SDHAF3: variants seen among roughly 807,000 people sequenced by gnomAD.
SDHAF3 encodes succinate dehydrogenase assembly factor 3, mitochondrial.
Under a neutral mutation model 11.5 loss-of-function variants are expected in SDHAF3, and 18 were observed. The ratio of observed to expected loss-of-function variants is 1.56; its 90% CI spans 1.08 to 2.32. The LOEUF is 2.32. SDHAF3 is among the 30% of genes most tolerant of loss of function. The pLI is 0.00. For synonymous variants in SDHAF3, 72 were observed against 59.3 expected, an observed-to-expected ratio of 1.21 and a Z score of -0.99; for missense variants, 200 against 154.4, an observed-to-expected ratio of 1.30 and a Z score of -1.57.
chr7:97,156,789 T>C (rs1190227527), intron 1 of SDHAF3, among the ~76,000 whole-genome samples: 1 of 152,134 alleles, frequency 6.6e-6, no homozygotes, highest in Non-Finnish European at 1.5e-5. Flanking sequence ...AATTTCTTTT[T>C]TAATGTTTTA....
At chr7:97,170,436 A>C (rs926852375) in intron 1 of SDHAF3, among the ~76,000 whole-genome samples, 13 of 152,164 alleles carry the variant, frequency 8.5e-5, no homozygotes, top group African/African-American at 3.1e-4. Context: ...CTTAAGTACA[A>C]TGCTATTATT....
chr7:97,136,622 A>G (rs900374257), intron 1 of SDHAF3, among the ~76,000 whole-genome samples: 5 of 152,214 alleles, frequency 3.3e-5, no homozygotes, highest in African/African-American at 1.2e-4. Flanking sequence ...TTAAATAGTA[A>G]TGGGTAGTGT....
intron 1 of SDHAF3, among the ~76,000 whole-genome samples, chr7:97,144,277 CTT>C (rs1406411405): frequency 6.6e-5 from 10 of 152,116 alleles, no homozygotes; most frequent in African/African-American, 2.4e-4. Context: ...TTCTCCCACT[CTT>C]GTGTGTTGTC....
intron 1 of SDHAF3, among the ~76,000 whole-genome samples, chr7:97,143,321 T>C (rs1262514836): frequency 6.6e-6 from 1 of 152,118 alleles, no homozygotes; most frequent in Non-Finnish European, 1.5e-5. Flanking sequence ...TCTTTTTCCA[T>C]AAGTTATTGA....
intron 1 of SDHAF3, among the ~76,000 whole-genome samples, chr7:97,180,026 T>G (rs1789747058): frequency 6.6e-6 from 1 of 152,194 alleles, no homozygotes; most frequent in African/African-American, 2.4e-5. Flanking sequence ...CTTTGTCTGC[T>G]TAAAAGATTA....
chr7:97,152,383 G>A (rs1789238255), intron 1 of SDHAF3, among the ~76,000 whole-genome samples: 1 of 152,178 alleles, frequency 6.6e-6, no homozygotes, highest in Admixed American at 6.5e-5. Flanking sequence ...ATGCTGATTG[G>A]TTAAGTTAGG....
intron 1 of SDHAF3, among the ~76,000 whole-genome samples, chr7:97,136,762 T>C (rs1791777304): frequency 6.6e-6 from 1 of 152,206 alleles, no homozygotes; most frequent in African/African-American, 2.4e-5. Context: ...TGCATTTAAA[T>C]ATAATGTTTG....
At chr7:97,149,726 C>T (rs182459824) in intron 1 of SDHAF3, among the ~76,000 whole-genome samples, 258 of 152,242 alleles carry the variant, frequency 1.7e-3, no homozygotes, top group Middle Eastern at 3.4e-3. Context: ...TCAATGTTGA[C>T]GGCTGCTGAA....
At chr7:97,175,714 CA>C (rs1686840250) in intron 1 of SDHAF3, among the ~76,000 whole-genome samples, 1 of 152,198 alleles carries the variant, frequency 6.6e-6, no homozygotes, top group Non-Finnish European at 1.5e-5. Context: ...CTATCACTGA[CA>C]AACTGGTACT....
chr7:97,125,895 A>G (rs949859264), intron 1 of SDHAF3, among the ~76,000 whole-genome samples: 9 of 152,198 alleles, frequency 5.9e-5, no homozygotes, highest in Non-Finnish European at 1.2e-4. Flanking sequence ...AGTTGCAATC[A>G]TTTGGAGGAG....
At chr7:97,124,834 G>A (rs1029718813) in intron 1 of SDHAF3, among the ~76,000 whole-genome samples, 1 of 152,102 alleles carries the variant, frequency 6.6e-6, no homozygotes, top group African/African-American at 2.4e-5. Flanking sequence ...TGTGATTTTT[G>A]CACATTGATT....
intron 1 of SDHAF3, chr7:97,142,749 C>G (rs1403157922): frequency 1.3e-5 from 2 of 151,916 alleles, no homozygotes; most frequent in Non-Finnish European, 2.9e-5. Context: ...TGGAAAAGGC[C>G]TAGAAGAGCC....
intron 1 of SDHAF3, among the ~76,000 whole-genome samples, chr7:97,146,509 TGA>T (rs967602092): frequency 1.3e-5 from 2 of 152,182 alleles, no homozygotes; most frequent in African/African-American, 4.8e-5. Flanking sequence ...TAATTGTTCT[TGA>T]GACATATTTA....
chr7:97,135,581 ATGTGTGTGTG>A (rs55801981), intron 1 of SDHAF3: 1 of 137,142 alleles, frequency 7.3e-6, no homozygotes, highest in Non-Finnish European at 1.5e-5. Flanking sequence ...TAGTCCCCAT[ATGTGTGTGTG>A]TGTGTGTGTG....
chr7:97,158,779 G>A (rs781162621), intron 1 of SDHAF3, among the ~76,000 whole-genome samples: 2 of 152,148 alleles, frequency 1.3e-5, no homozygotes, highest in African/African-American at 2.4e-5. Flanking sequence ...GGACTAACAG[G>A]AGATTTTTAA....
chr7:97,180,926 G>A (rs915575902), intron 1 of SDHAF3, 86 bp from the exon 2 acceptor site: 19 of 1,164,874 alleles, frequency 1.6e-5, no homozygotes, highest in Admixed American at 3.0e-5. Flanking sequence ...AGGAAAAATA[G>A]GTGACTCAGA....
chr7:97,141,166 G>A (rs1314711844), intron 1 of SDHAF3, among the ~76,000 whole-genome samples: 5 of 151,440 alleles, frequency 3.3e-5, no homozygotes, highest in East Asian at 3.9e-4. Flanking sequence ...TGGTCAGACC[G>A]GTTGTCTGCT....
intron 1 of SDHAF3, among the ~76,000 whole-genome samples, chr7:97,138,443 A>G (rs1327424833): frequency 2.0e-5 from 3 of 152,202 alleles, no homozygotes; most frequent in African/African-American, 7.2e-5. Context: ...GATTACAGGC[A>G]TGAGCCACCA....
At chr7:97,154,957 G>A (rs935173884) in intron 1 of SDHAF3, among the ~76,000 whole-genome samples, 5 of 152,160 alleles carry the variant, frequency 3.3e-5, no homozygotes, top group African/African-American at 1.2e-4. Context: ...ATATTTGTCA[G>A]TCTAGTGTTT....
Sources: allele counts gnomAD v4.1 joint callset (sites outside exome capture counted in the v4.1 genomes callset), GRCh38; gene constraint gnomAD v4.1.1; transcripts MANE v1.5; gene names NCBI Gene and HGNC (gene_info 2026-07-23, HGNC 2026-07-21).